The following CNTN5 variants were observed in gnomAD, a reference collection of about 807,000 sequenced individuals.
The protein encoded by CNTN5 is contactin 5, also known as contactin-5.
CNTN5 carries 77 observed loss-of-function variants against 129.1 expected under a neutral mutation model. That is an observed-to-expected ratio of 0.60 (90% CI 0.50 to 0.72). The LOEUF is 0.72. Ranked by LOEUF, CNTN5 falls within the 30% of genes least tolerant of loss-of-function variation. CNTN5 has a pLI of 0.00. For missense variants in CNTN5, 1,478 were observed against 1,328.8 expected, an observed-to-expected ratio of 1.11 and a Z score of -1.75; for synonymous variants, 509 against 465.6, an observed-to-expected ratio of 1.09 and a Z score of -1.20.
At chr11:99,205,048 T>G (rs2135644469) in intron 1 of CNTN5, among the ~76,000 whole-genome samples, 1 of 152,262 alleles carries the variant, frequency 6.6e-6, no homozygotes, top group South Asian at 2.1e-4. Flanking sequence ...ACAAAAATCT[T>G]ATATTTATTT....
intron 6 of CNTN5, among the ~76,000 whole-genome samples, chr11:99,880,498 C>A (rs17134609): frequency 0.23 from 34,392 of 151,810 alleles, 4,100 homozygotes; most frequent in African/African-American, 0.28. Flanking sequence ...GACCAACTGG[C>A]GATTAAAATA....
At chr11:100,207,729 A>T in intron 15 of CNTN5, among the ~76,000 whole-genome samples, 1 of 152,182 alleles carries the variant, frequency 6.6e-6, no homozygotes, top group East Asian at 1.9e-4. Context: ...TTTCCCCAAA[A>T]TAAGGGACCC....
At position 100,265,286 on chromosome 11, in the gene CNTN5, A is replaced by G. The variant is rs575708239; in HGVS notation, c.2165-5806A>G. Among the ~76,000 whole-genome samples the G allele has an allele frequency of 2.6e-5, 4 of 152,260 alleles. No homozygotes were observed. The South Asian group carries it at 8.3e-4, about 32-fold the overall frequency. On this transcript the variant is annotated intron_variant, in intron 17 of 24. Transcript: ENST00000524871. ...CCAAAACGCACCATTAATTGCAGCT[A>G]TTGGCAGAGGCATGCTGTCCTCAGG...
chr11:99,561,121 A>G (rs972978601), intron 3 of CNTN5, among the ~76,000 whole-genome samples: 2 of 152,144 alleles, frequency 1.3e-5, no homozygotes, highest in Non-Finnish European at 2.9e-5. Flanking sequence ...GCCAAGAAAT[A>G]TATAAATCAT....
intron 2 of CNTN5, among the ~76,000 whole-genome samples, chr11:99,419,154 G>T (rs1221963604): frequency 6.6e-6 from 1 of 152,144 alleles, no homozygotes; most frequent in African/African-American, 2.4e-5. Flanking sequence ...CATCAACTAT[G>T]CAGAGGGCAG....
At chr11:99,680,112 A>G (rs1204956292) in intron 3 of CNTN5, among the ~76,000 whole-genome samples, 1 of 152,218 alleles carries the variant, frequency 6.6e-6, no homozygotes, top group African/African-American at 2.4e-5. Context: ...TCAAAACACA[A>G]AAATGAAAGA....
intron 2 of CNTN5, among the ~76,000 whole-genome samples, chr11:99,507,375 C>CA (rs35059394): frequency 0.52 from 44,852 of 86,990 alleles, 10,069 homozygotes; most frequent in East Asian, 0.74. Flanking sequence ...GACTCTGTCT[C>CA]AAAAAAAAAA....
chr11:99,650,417 C>T (rs530067840), intron 3 of CNTN5, among the ~76,000 whole-genome samples: 3 of 151,882 alleles, frequency 2.0e-5, no homozygotes, highest in African/African-American at 7.2e-5. Context: ...ACGCATCAGT[C>T]TCTATTATAC....
chr11:99,767,294 CAGAG>C (rs150648848), intron 3 of CNTN5, among the ~76,000 whole-genome samples: 3 of 149,940 alleles, frequency 2.0e-5, no homozygotes, highest in East Asian at 1.9e-4. Flanking sequence ...ATTATTAAAT[CAGAG>C]AGAGAGAGAG....
intron 9 of CNTN5, among the ~76,000 whole-genome samples, chr11:100,002,487 G>T (rs1478091041): frequency 6.6e-6 from 1 of 152,070 alleles, no homozygotes; most frequent in Non-Finnish European, 1.5e-5. Context: ...AGTACTATCT[G>T]CTCCTCATGT....
At chr11:99,855,704 G>A (rs1406599029) in intron 6 of CNTN5, among the ~76,000 whole-genome samples, 1 of 151,998 alleles carries the variant, frequency 6.6e-6, no homozygotes, top group African/African-American at 2.4e-5. Context: ...TTCTTCCAGG[G>A]AAATATTCTG....
chr11:100,061,511 T>C, intron 10 of CNTN5, 118 bp downstream of exon 10: 1 of 690,184 alleles, frequency 1.4e-6, no homozygotes, highest in Non-Finnish European at 2.3e-6. Flanking sequence ...TAATTTATAA[T>C]CATACTTCAT....
intron 9 of CNTN5, among the ~76,000 whole-genome samples, chr11:100,061,011 T>TAATTGCTTTCCTGAAATAC (rs753764711): frequency 0.33 from 49,769 of 151,868 alleles, 8,646 homozygotes; most frequent in East Asian, 0.47. Flanking sequence ...TCCTGAAATA[T>TAATTGCTTTCCTGAAATAC]GAAAGAAAAG....
At chr11:100,038,355 T>C (rs1029360558) in intron 9 of CNTN5, among the ~76,000 whole-genome samples, 8 of 152,324 alleles carry the variant, frequency 5.3e-5, no homozygotes, top group African/African-American at 1.9e-4. Context: ...ATTTCTGTTC[T>C]TTTACATTTG....
intron 13 of CNTN5, among the ~76,000 whole-genome samples, chr11:100,180,258 G>A (rs1459233074): frequency 6.6e-6 from 1 of 151,902 alleles, no homozygotes; most frequent in African/African-American, 2.4e-5. Context: ...TGCTGGTGCA[G>A]GAATAGACAC....
chr11:99,736,801 A>G (rs1187445047), intron 3 of CNTN5, among the ~76,000 whole-genome samples: 1 of 152,186 alleles, frequency 6.6e-6, no homozygotes, highest in Non-Finnish European at 1.5e-5. Flanking sequence ...CAAAGTAATT[A>G]TGTATTAAAT....
chr11:99,123,014 A>T (rs1858429741), intron 1 of CNTN5, among the ~76,000 whole-genome samples: 1 of 152,164 alleles, frequency 6.6e-6, no homozygotes, highest in Non-Finnish European at 1.5e-5. Flanking sequence ...ATACATGTGC[A>T]TGTGTCTTCA....
intron 23 of CNTN5, among the ~76,000 whole-genome samples, chr11:100,341,999 T>G (rs1032162533): frequency 8.6e-5 from 13 of 151,966 alleles, no homozygotes; most frequent in African/African-American, 2.4e-4. Flanking sequence ...GGTTTTCAAC[T>G]ATCAGAGATG....
At chr11:99,172,214 T>C (rs1052368845) in intron 1 of CNTN5, among the ~76,000 whole-genome samples, 7 of 47,428 alleles carry the variant, frequency 1.5e-4, no homozygotes, top group Non-Finnish European at 3.5e-4. Context: ...TTTCTTTTTA[T>C]ACAAAAATAA....
Sources: gnomAD v4.1 joint callset for allele counts (sites outside exome capture counted in the v4.1 genomes callset) on GRCh38, gnomAD v4.1.1 for gene constraint, MANE v1.5 for transcripts, NCBI Gene and HGNC (gene_info 2026-07-23, HGNC 2026-07-21) for gene names.